POFUT2: variants seen among roughly 807,000 people sequenced by gnomAD.
POFUT2 encodes the protein GDP-fucose protein O-fucosyltransferase 2.
In POFUT2, 30 loss-of-function variants were observed where a neutral mutation model predicts 55.0. The ratio of observed to expected loss-of-function variants is 0.55; its 90% CI spans 0.41 to 0.74. The LOEUF is 0.74. Among genes scored for constraint, POFUT2 ranks in the 30% least tolerant of loss-of-function variants. The probability of loss-of-function intolerance (pLI) is 0.00; values close to 1 mark genes in which losing one functional copy is unlikely to be tolerated. For missense variants in POFUT2, 524 were observed against 562.6 expected (o/e 0.93, Z 0.69); for synonymous variants, 267 against 231.1 (o/e 1.16, Z -1.41).
At position 45,269,998 on chromosome 21, in the gene POFUT2, C is replaced by G; in HGVS notation, c.853G>C (p.Gly285Arg). The part of the protein sequence containing the change: ...KMKVKLGSAL[G>R]GPYLGVHLRR... ...AGGTGGACTCCCAGGTAGGGGCCCC[C>G]TAGCGCGGAGCCCAGCTTGACCTAG... The change falls in exon 7 of 9, where the codon GGG (glycine) becomes CGG (arginine). Residue 285 changes from glycine to arginine, a missense_variant. By Grantham distance (125) the Gly-to-Arg change is moderately radical. Around this residue, in one of 2 missense-constraint regions of POFUT2, gnomAD observed 250 missense variants for 318.2 expected, o/e 0.79. Coordinates refer to ENST00000349485, the MANE Select transcript of POFUT2 (RefSeq NM_133635.6). 6.4e-7 allele frequency: 1 copy of G among 1,561,292 alleles called. No homozygotes were observed. The highest frequency in any genetic ancestry group is 1.2e-5 in the South Asian group (1 of 82,354).
intron 1 of POFUT2, among the ~76,000 whole-genome samples, chr21:45,286,243 A>G (rs2031392524): frequency 6.6e-6 from 1 of 152,216 alleles, no homozygotes; most frequent in South Asian, 2.1e-4. Context: ...ACCCCTTTAC[A>G]CTGGAAACAA....
In POFUT2 at chr21:45,266,793, C is replaced by G. The variant is rs114724649; in HGVS notation, c.1136+797G>C. ...CAGCATTCCTCGGGCAGGAGAGAGA[C>G]AGACTAACCCACAGAGACGCACGCG... On this transcript the variant is annotated intron_variant, in intron 8 of 8. Coordinates refer to ENST00000349485, the MANE Select transcript of POFUT2 (RefSeq NM_133635.6). 2,047 of 998,128 alleles carry G rather than the reference C, an allele frequency of 2.1e-3. 21 individuals are homozygous for G. The African/African-American group carries it at 0.033, about 16-fold the overall frequency. The allele number at this position is 998,128 out of a possible 1,614,324, so 61.8% of individuals were successfully genotyped here.
rs1482824786 is a variant in POFUT2 at position 45,285,839 on chromosome 21, A to G, written c.221T>C (p.Leu74Pro). The stretch of plus-strand genomic sequence containing the variant: ...GACAAGCACCCACTCCTCCGTCTTC[A>G]GCAGAGTCTTCAGGAGAGAGGCGAT... Reference protein sequence around the residue: ...IRIASLLKTLLKTEEWVLVLP... With the variant: ...IRIASLLKTLPKTEEWVLVLP... Residue 74 changes from leucine (L) to proline (P), a missense_variant, in exon 2 of 9, where the codon CTG becomes CCG. Leu to Pro is a moderately conservative substitution (Grantham distance 98). This residue lies in a region of POFUT2 where 274 missense variants were observed against 244.4 expected (regional missense o/e 1.12). Coordinates refer to ENST00000349485, the MANE Select transcript of POFUT2 (RefSeq NM_133635.6). This position sits in a 1 kb window ranked among gnomAD's most constrained non-coding sequence, Gnocchi z 4.9. 1.2e-6 allele frequency: 2 copies of G among 1,613,550 alleles called. No homozygotes were observed. The highest frequency in any genetic ancestry group is 1.1e-5 in the South Asian group (1 of 91,080).
chr21:45,283,257 G>A, intron 3 of POFUT2, 126 bp downstream of exon 3: 1 of 459,182 alleles, frequency 2.2e-6, no homozygotes, highest in Non-Finnish European at 3.9e-6. Flanking sequence ...CTGCAGGGGG[G>A]GCGGGGGGCA....
At chr21:45,274,846 T>C (rs982265546) in intron 6 of POFUT2, among the ~76,000 whole-genome samples, 1 of 152,120 alleles carries the variant, frequency 6.6e-6, no homozygotes, top group African/African-American at 2.4e-5. Context: ...GACGATAACA[T>C]CAGAAAAACT....
chr21:45,285,357 G>T lies in POFUT2; in HGVS notation c.382+321C>A, dbSNP rs569157665. On this transcript the variant is annotated intron_variant, in intron 2 of 8. Transcript: ENST00000349485. This position sits in a 1 kb window ranked among gnomAD's most constrained non-coding sequence, Gnocchi z 4.9. The stretch of plus-strand genomic sequence containing the variant: ...AACGTAAAACAGCCTTTCGCACAGG[G>T]AGCCGAGTCCTGTCACTATAACACC... 5.2e-5 allele frequency: 20 copies of T among 382,476 alleles called. No homozygotes were observed. The highest frequency in any genetic ancestry group is 2.6e-4 in the Admixed American group (7 of 26,778). The allele number at this position is 382,476 out of a possible 1,614,324, so 23.7% of individuals were successfully genotyped here. A position where few individuals can be genotyped will look rare whatever the true frequency, so the allele number is the denominator to read the frequency against.
chr21:45,276,976 A>G, intron 6 of POFUT2, 41 bp downstream of exon 6: 1 of 1,607,830 alleles, frequency 6.2e-7, no homozygotes, highest in Non-Finnish European at 8.5e-7. Context: ...CTCCAGAGAG[A>G]CTTTACCTTT....
Position 45,265,445 on chromosome 21 carries a change from C to T in POFUT2, c.*37G>A. 6.4e-7 allele frequency: 1 copy of T among 1,569,364 alleles called. No individual in the cohort carries two copies. Among genetic ancestry groups the T allele is most frequent in the South Asian group, 1.2e-5 (1 of 86,356 alleles). ...GCGACAGAACCTGCATCCACCCGCG[C>T]CTGTCGGGTCCGGGGAGCGGCCCTG... is the stretch of plus-strand genomic sequence containing the variant. On this transcript the variant is annotated 3_prime_UTR_variant, in exon 9 of 9. Coordinates refer to ENST00000349485, the MANE Select transcript of POFUT2 (RefSeq NM_133635.6). This position sits in a 1 kb window ranked among gnomAD's most constrained non-coding sequence, Gnocchi z 4.6.
intron 6 of POFUT2, 108 bp downstream of exon 6, chr21:45,276,909 C>T: frequency 5.5e-6 from 7 of 1,261,806 alleles, no homozygotes; most frequent in Non-Finnish European, 7.8e-6. Context: ...GGCATCCACG[C>T]CCACAGACAC....
rs745929416 is a variant in POFUT2, at chr21:45,267,469, A to G, written c.1136+121T>C. ...AGGAGACTCAGACGAGGAGGCAAAC[A>G]GTATGGAAATGACCACTGTGAACAC... On this transcript the variant is annotated intron_variant, in intron 8 of 8. Coordinates refer to ENST00000349485, the MANE Select transcript of POFUT2 (RefSeq NM_133635.6). This position sits in a 1 kb window ranked among gnomAD's most constrained non-coding sequence, Gnocchi z 4.4. 2 of 1,614,154 alleles carry G rather than the reference A, an allele frequency of 1.2e-6. No individual in the cohort carries two copies. The highest frequency in any genetic ancestry group is 1.7e-6 in the Non-Finnish European group (2 of 1,180,002).
rs964361382 is a variant in POFUT2 at position 45,264,109 on chromosome 21, T to G, written c.*1373A>C. 1 of 152,214 alleles carries G rather than the reference T, an allele frequency of 6.6e-6. No individual in the cohort carries two copies. Among genetic ancestry groups the G allele is most frequent in the Non-Finnish European group, 1.5e-5 (1 of 68,034 alleles). 9.4% of individuals were successfully genotyped at this position (152,214 alleles called of 1,614,324 possible). Reference sequence around the variant, plus strand: ...CCCTGCACAGCTTTGAGTAACACCATAGGACCCTGTCACACGTTCAGGGTC... The same window carrying G: ...CCCTGCACAGCTTTGAGTAACACCAGAGGACCCTGTCACACGTTCAGGGTC... On this transcript the variant is annotated 3_prime_UTR_variant, in exon 9 of 9. Coordinates refer to ENST00000349485, the MANE Select transcript of POFUT2 (RefSeq NM_133635.6).
At chr21:45,278,825 G>A (rs1003855951) in intron 4 of POFUT2, among the ~76,000 whole-genome samples, 8 of 152,270 alleles carry the variant, frequency 5.3e-5, no homozygotes, top group South Asian at 2.1e-4. Flanking sequence ...TCTCAGACTC[G>A]CAGGCAGGTG....
In POFUT2 at chr21:45,285,569, G is replaced by A. The variant is rs758569284; in HGVS notation, c.382+109C>T. 7 of 1,346,596 alleles carry A rather than the reference G, an allele frequency of 5.2e-6. No individual in the cohort carries two copies. The highest frequency in any genetic ancestry group is 7.3e-6 in the Non-Finnish European group (7 of 954,192). 83.4% of individuals were successfully genotyped at this position (1,346,596 alleles called of 1,614,324 possible). On this transcript the variant is annotated intron_variant, in intron 2 of 8. Coordinates refer to ENST00000349485, the MANE Select transcript of POFUT2 (RefSeq NM_133635.6). The surrounding 1 kb of genome is among the most constrained non-coding windows in gnomAD (Gnocchi z 4.9). ...GCAGCAGCACTGGGCACTGGAGGAT[G>A]CTGGTGAGGCTGGATGCAATCGTAA...
Position 45,278,102 on chromosome 21 carries a change from C to A in POFUT2, c.705+1G>T. On this transcript the variant is annotated splice_donor_variant, in intron 5 of 8. Coordinates refer to ENST00000349485, the MANE Select transcript of POFUT2 (RefSeq NM_133635.6). LOFTEE classifies it high-confidence loss of function. ...AAAAACGCTCCCGAGGAAACACTCACATCCCAGTATTCTTTCCCTCCATAG... is the reference window on the plus strand; with the variant it reads ...AAAAACGCTCCCGAGGAAACACTCAAATCCCAGTATTCTTTCCCTCCATAG... The A allele has an allele frequency of 6.2e-7, 1 of 1,612,024 alleles. No homozygotes were observed. Among genetic ancestry groups the A allele is most frequent in the Non-Finnish European group, 8.5e-7 (1 of 1,178,046 alleles).
chr21:45,276,971 G>GA (rs770206420), intron 6 of POFUT2, 46 bp downstream of exon 6: 1 of 1,603,408 alleles, frequency 6.2e-7, no homozygotes. Context: ...GGCATCTCCA[G>GA]AGAGACTTTA....
intron 7 of POFUT2, among the ~76,000 whole-genome samples, chr21:45,268,381 T>C (rs1602154914): frequency 6.6e-6 from 1 of 152,044 alleles, no homozygotes; most frequent in African/African-American, 2.4e-5. Flanking sequence ...AGTGCCAAGA[T>C]TGCAGCCTCT....
At chr21:45,283,124 C>T (rs557849927) in intron 3 of POFUT2, among the ~76,000 whole-genome samples, 1 of 151,182 alleles carries the variant, frequency 6.6e-6, no homozygotes, top group Non-Finnish European at 1.5e-5. Flanking sequence ...TCAGGATGCC[C>T]AGGAGGGGAC....
At chr21:45,283,930 A>C (rs2146678849) in intron 2 of POFUT2, among the ~76,000 whole-genome samples, 1 of 151,254 alleles carries the variant, frequency 6.6e-6, no homozygotes, top group East Asian at 2.0e-4. Flanking sequence ...CTGGTTTCCC[A>C]CAGCGCTCCT....
In POFUT2 at chr21:45,285,946, G is replaced by A. The variant is rs770863016; in HGVS notation, c.132-18C>T. Reference sequence around the variant, plus strand: ...GAAGATACCTGAGCAGGGAGAAGGAGGACCACAGGTCTCAAATGCTGAGGT... The same window carrying A: ...GAAGATACCTGAGCAGGGAGAAGGAAGACCACAGGTCTCAAATGCTGAGGT... On this transcript the variant is annotated intron_variant, in intron 1 of 8. Transcript: ENST00000349485. The surrounding 1 kb of genome is among the most constrained non-coding windows in gnomAD (Gnocchi z 4.9). 2 of 1,586,158 alleles carry A rather than the reference G, an allele frequency of 1.3e-6. No individual in the cohort carries two copies. The highest frequency in any genetic ancestry group is 1.7e-6 in the Non-Finnish European group (2 of 1,165,578).
Sources: allele counts gnomAD v4.1 joint callset (sites outside exome capture counted in the v4.1 genomes callset), GRCh38; gene constraint gnomAD v4.1.1; regional missense constraint gnomAD v4.1.1; non-coding constraint Gnocchi (gnomAD v3.1); transcripts MANE v1.5; gene names NCBI Gene and HGNC (gene_info 2026-07-23, HGNC 2026-07-21).